PDE4A: variants seen among roughly 807,000 people sequenced by gnomAD.
PDE4A encodes the protein phosphodiesterase 4A, also known as 3',5'-cyclic-AMP phosphodiesterase 4A.
Under a neutral mutation model 73.9 loss-of-function variants are expected in PDE4A, and 21 were observed. The ratio of observed to expected loss-of-function variants is 0.28; its 90% CI spans 0.20 to 0.41. The LOEUF (loss-of-function observed/expected upper bound fraction) is 0.41, where lower values mean the gene tolerates loss of function less well. Among genes scored for constraint, PDE4A ranks in the 10% least tolerant of loss-of-function variants. The pLI, the probability that PDE4A is intolerant of heterozygous loss-of-function variation, is 1.00. For missense variants in PDE4A, 958 were observed against 1,211.4 expected (o/e 0.79, Z 3.10); for synonymous variants, 463 against 505.4 (o/e 0.92, Z 1.13).
At chr19:10,439,903 A>C (rs1304959754) in intron 1 of PDE4A, among the ~76,000 whole-genome samples, 2 of 151,772 alleles carry the variant, frequency 1.3e-5, no homozygotes, top group Non-Finnish European at 2.9e-5. Context: ...CATTGCATGC[A>C]GGGGATGGAG....
chr19:10,445,070 C>T (rs1233214506), intron 1 of PDE4A, among the ~76,000 whole-genome samples: 3 of 152,160 alleles, frequency 2.0e-5, no homozygotes, highest in Non-Finnish European at 4.4e-5. Context: ...GACCTGTGAG[C>T]TGCAGTGAGG....
chr19:10,431,023 G>A, intron 1 of PDE4A: 1 of 1,577,490 alleles, frequency 6.3e-7, no homozygotes, highest in South Asian at 1.1e-5. Flanking sequence ...CCAACTTTCC[G>A]CAGACGCCTT....
chr19:10,417,012 C>A, upstream of PDE4A: 2 of 1,536,428 alleles, frequency 1.3e-6, no homozygotes, highest in Non-Finnish European at 1.7e-6. Flanking sequence ...GGGGCTTGGG[C>A]TAGGGGCGGG....
chr19:10,464,744 G>A (rs369100377), intron 14 of PDE4A, among the ~76,000 whole-genome samples: 12 of 151,300 alleles, frequency 7.9e-5, no homozygotes, highest in Non-Finnish European at 1.8e-4. Context: ...CTGAGACAGG[G>A]TCTCATTGTG....
Position 10,460,162 on chromosome 19 carries a change from C to T in PDE4A, c.1365+403C>T, listed in dbSNP as rs192657357. Among the ~76,000 whole-genome samples, 88 of 151,180 alleles carry T rather than the reference C, an allele frequency of 5.8e-4. No individual in the cohort carries two copies. The South Asian group carries it at 0.018, about 30-fold the overall frequency. On this transcript the variant is annotated intron_variant, in intron 10 of 14. Transcript: ENST00000380702. ...CCTCCCAAAGTGCTGGGAGTAGAGG[C>T]GTGAGCCACTGTGCCCGGTCAAAAA...
intron 1 of PDE4A, among the ~76,000 whole-genome samples, chr19:10,433,460 C>A (rs1036545817): frequency 6.6e-6 from 1 of 152,166 alleles, no homozygotes; most frequent in Non-Finnish European, 1.5e-5. Context: ...AGGAACGCAC[C>A]CCGTGCCCAC....
upstream of PDE4A, chr19:10,419,165 G>A: frequency 1.2e-6 from 1 of 867,488 alleles, no homozygotes; most frequent in African/African-American, 1.9e-5. Flanking sequence ...GCGCACGGGG[G>A]CAGGGGTCTG....
chr19:10,438,951 A>G (rs2042901012), intron 1 of PDE4A, among the ~76,000 whole-genome samples: 1 of 152,130 alleles, frequency 6.6e-6, no homozygotes, highest in Non-Finnish European at 1.5e-5. Flanking sequence ...TTAAGGCTGA[A>G]TTCTATTCCA....
At chr19:10,438,391 G>T (rs988151670) in intron 1 of PDE4A, among the ~76,000 whole-genome samples, 3 of 151,632 alleles carry the variant, frequency 2.0e-5, no homozygotes, top group Non-Finnish European at 4.4e-5. Flanking sequence ...GATTACAGGC[G>T]TGAGCCACCA....
At chr19:10,464,089 T>C in intron 14 of PDE4A, 114 bp downstream of exon 14, 2 of 1,391,060 alleles carry the variant, frequency 1.4e-6, no homozygotes, top group East Asian at 5.0e-5. Flanking sequence ...TGCCAAGTTG[T>C]CCTGTTTTTG....
chr19:10,460,838 C>A, intron 10 of PDE4A, 166 bp from the exon 11 acceptor site: 4 of 186,672 alleles, frequency 2.1e-5, no homozygotes, highest in Non-Finnish European at 4.0e-5. Context: ...AAATTTGAGA[C>A]AGGGCCTTGC....
At chr19:10,422,343 C>T (rs10404638) in intron 1 of PDE4A, among the ~76,000 whole-genome samples, 3,440 of 152,242 alleles carry the variant, frequency 0.023, 127 homozygotes, top group African/African-American at 0.078. Context: ...GTCTGAGCGT[C>T]GGTGCTCTGA....
intron 14 of PDE4A, 120 bp downstream of exon 14, chr19:10,464,095 T>G (rs2043324629): frequency 4.4e-6 from 6 of 1,359,550 alleles, no homozygotes; most frequent in Non-Finnish European, 2.0e-6. Flanking sequence ...GTTGTCCTGT[T>G]TTTGGTTTTG....
Position 10,466,870 on chromosome 19 carries a change from T to G in PDE4A, c.1927-17T>G, listed in dbSNP as rs1417676265. On this transcript the variant is annotated splice_polypyrimidine_tract_variant and intron_variant, in intron 14 of 14. Transcript: ENST00000380702. ...ACCCCATAGGCCGCCCATTTATACT[T>G]TCTTCCCCTCCACCAGGTGGGTTTT... The G allele has an allele frequency of 6.2e-7, 1 of 1,607,140 alleles. No individual in the cohort carries two copies. Among genetic ancestry groups the G allele is most frequent in the Non-Finnish European group, 8.5e-7 (1 of 1,176,342 alleles).
intron 1 of PDE4A, among the ~76,000 whole-genome samples, chr19:10,434,298 G>A (rs1344592945): frequency 1.3e-5 from 2 of 149,670 alleles, no homozygotes; most frequent in Non-Finnish European, 3.0e-5. Context: ...TCTGCCTCCC[G>A]GGTTCAAGCA....
chr19:10,461,437 A>AG lies in PDE4A; in HGVS notation c.1466-85dup, dbSNP rs1326962797. The stretch of plus-strand genomic sequence containing the variant: ...GGAGGCGAGGCTGGCCGGGCTGGGG[A>AG]GGGGTTAGCTAGTTGGGGGCGGAGC... On this transcript the variant is annotated intron_variant, in intron 11 of 14. Coordinates refer to ENST00000380702, the MANE Select transcript of PDE4A (RefSeq NM_001111307.2). The AG allele has an allele frequency of 1.1e-4, 172 of 1,536,610 alleles. 1 individual carries two copies. Among genetic ancestry groups the AG allele is most frequent in the Non-Finnish European group, 1.4e-4 (161 of 1,148,422 alleles).
chr19:10,430,666 T>G (rs1399826758), intron 1 of PDE4A, among the ~76,000 whole-genome samples: 1 of 151,374 alleles, frequency 6.6e-6, no homozygotes, highest in Non-Finnish European at 1.5e-5. Context: ...ACCAGAGCCG[T>G]GCGGGCGCCC....
At position 10,453,298 on chromosome 19, in the gene PDE4A, C is replaced by G. The variant is rs2043122206; in HGVS notation, c.784-1531C>G. The G allele has an allele frequency of 6.2e-7, 1 of 1,613,596 alleles. No homozygotes were observed. Among genetic ancestry groups the G allele is most frequent in the Non-Finnish European group, 8.5e-7 (1 of 1,179,770 alleles). On this transcript the variant is annotated intron_variant, in intron 6 of 14. Coordinates refer to ENST00000380702, the MANE Select transcript of PDE4A (RefSeq NM_001111307.2). This position sits in a 1 kb window ranked among gnomAD's most constrained non-coding sequence, Gnocchi z 4.6. ...GTGGATTTCTTCTGCGAGACCTGCT[C>G]TAAGCCTTGGCTGGTGGGCTGGTGG...
At chr19:10,457,773 C>T (rs749399181) in intron 7 of PDE4A, 106 bp from the exon 8 acceptor site, 31 of 1,523,994 alleles carry the variant, frequency 2.0e-5, no homozygotes, top group East Asian at 1.8e-4. Flanking sequence ...AGGGTTCTGC[C>T]GTTTCGGGTG....
Sources: gnomAD v4.1 joint callset for allele counts (sites outside exome capture counted in the v4.1 genomes callset) on GRCh38, gnomAD v4.1.1 for gene constraint, Gnocchi (gnomAD v3.1) non-coding constraint, MANE v1.5 for transcripts, NCBI Gene and HGNC (gene_info 2026-07-23, HGNC 2026-07-21) for gene names.